Variants in FBN2 observed in about 807,000 individuals in gnomAD.
The protein encoded by FBN2 is fibrillin-2.
A neutral mutation model predicts 355.6 loss-of-function variants in FBN2; 105 were observed. The ratio of observed to expected loss-of-function variants is 0.30; its 90% CI spans 0.25 to 0.35. The LOEUF is 0.35. Ranked by LOEUF, FBN2 falls within the 10% of genes least tolerant of loss-of-function variation. The probability of loss-of-function intolerance (pLI) is 1.00; values close to 1 mark genes in which losing one functional copy is unlikely to be tolerated. For synonymous variants in FBN2, 1,350 were observed against 1,301.2 expected (o/e 1.04, Z -0.81); for missense variants, 3,280 against 3,758.7 (o/e 0.87, Z 3.33).
chr5:128,307,289 T>C, intron 41 of FBN2, 86 bp from the exon 42 acceptor site: 1 of 819,220 alleles, frequency 1.2e-6, no homozygotes, highest in Admixed American at 1.7e-5. Flanking sequence ...CAAACAAATA[T>C]ATTTTACATT....
At position 128,259,339 on chromosome 5, in the gene FBN2, G is replaced by A. The variant is rs1414460670; in HGVS notation, c.*116C>T. 1.5e-6 allele frequency: 2 copies of A among 1,310,680 alleles called. No homozygotes were observed. Among genetic ancestry groups the A allele is most frequent in the Non-Finnish European group, 2.2e-6 (2 of 908,282 alleles). 81.2% of individuals were successfully genotyped at this position (1,310,680 alleles called of 1,614,324 possible). On this transcript the variant is annotated 3_prime_UTR_variant, in exon 65 of 65. Transcript: ENST00000262464. Reference sequence around the variant, plus strand: ...CAACATTCAAAGTCTAAGACAGGGAGGAAAGAAACAAGAGTTATTATTATT... The same window carrying A: ...CAACATTCAAAGTCTAAGACAGGGAAGAAAGAAACAAGAGTTATTATTATT...
chr5:128,395,202 G>A lies in FBN2; in HGVS notation c.1151C>T (p.Thr384Met), dbSNP rs371826887. 11 of 1,613,922 alleles carry A rather than the reference G, an allele frequency of 6.8e-6. No homozygotes were observed. Among genetic ancestry groups the A allele is most frequent in the South Asian group, 1.1e-5 (1 of 91,080 alleles). The change falls in exon 9 of 65, where the codon ACG becomes ATG. Residue 384 changes from threonine (T) to methionine (M), a missense_variant. Thr to Met is a moderately conservative substitution (Grantham distance 81). This residue lies in a region of FBN2 where 343 missense variants were observed against 331.0 expected (regional missense o/e 1.04). Transcript: ENST00000262464. ...RCAQELPGRM[T>M]KMQCCCEPGR... ...AGGCTCACAGCAGCACTGCATTTTC[G>A]TCATTCTCCCCGGGAGCTCTTGTGC...
chr5:128,475,622 T>A (rs1264487387), intron 5 of FBN2, among the ~76,000 whole-genome samples: 1 of 152,168 alleles, frequency 6.6e-6, no homozygotes, highest in African/African-American at 2.4e-5. Context: ...CAGGTTAGAA[T>A]GGCTCATGGC....
chr5:128,532,293 T>A (rs1232668419), intron 2 of FBN2, among the ~76,000 whole-genome samples: 1 of 151,866 alleles, frequency 6.6e-6, no homozygotes, highest in Non-Finnish European at 1.5e-5. Flanking sequence ...GTGGGGAGAG[T>A]CAAAGCCTCC....
chr5:128,510,479 C>T (rs1756084096), intron 5 of FBN2, among the ~76,000 whole-genome samples: 1 of 152,080 alleles, frequency 6.6e-6, no homozygotes, highest in South Asian at 2.1e-4. Flanking sequence ...TTTTTTGTTG[C>T]TTAGTGTCCA....
At chr5:128,527,156 A>G (rs1247517105) in intron 4 of FBN2, among the ~76,000 whole-genome samples, 1 of 152,214 alleles carries the variant, frequency 6.6e-6, no homozygotes, top group Non-Finnish European at 1.5e-5. Flanking sequence ...AGGTGACATT[A>G]CTTCAAAATA....
chr5:128,405,493 A>G (rs984800493), intron 8 of FBN2, among the ~76,000 whole-genome samples: 2 of 152,198 alleles, frequency 1.3e-5, no homozygotes, highest in African/African-American at 4.8e-5. Flanking sequence ...GGTAAATCAA[A>G]ACTCTCCTCT....
intron 62 of FBN2, 145 bp from the exon 63 acceptor site, chr5:128,263,801 A>G: frequency 3.2e-6 from 2 of 634,116 alleles, no homozygotes; most frequent in Non-Finnish European, 5.5e-6. Context: ...ACTGATTTGC[A>G]AAGCACGTGA....
intron 5 of FBN2, among the ~76,000 whole-genome samples, chr5:128,473,820 G>A (rs1754939424): frequency 6.6e-6 from 1 of 152,160 alleles, no homozygotes; most frequent in African/African-American, 2.4e-5. Flanking sequence ...TGTGCATTGA[G>A]AGAAACATTA....
chr5:128,280,322 A>G lies in FBN2; in HGVS notation c.7013-5T>C, dbSNP rs28763927. ...TGGTCCTGCATTCATTTTCATCTTT[A>G]GAAAAACAAACAATATGAATAATGA... On this transcript the variant is annotated splice_region_variant and splice_polypyrimidine_tract_variant and intron_variant, in intron 55 of 64. Transcript: ENST00000262464. 0.075 allele frequency: 120,048 copies of G among 1,604,704 alleles called. 4,846 individuals carry two copies. Among genetic ancestry groups the G allele is most frequent in the Middle Eastern group, 0.12 (715 of 6,034 alleles).
chr5:128,495,243 T>C lies in FBN2; in HGVS notation c.628+24030A>G, dbSNP rs369093504. Among the ~76,000 whole-genome samples the C allele has an allele frequency of 3.4e-4, 51 of 151,884 alleles. No individual in the cohort carries two copies. In the East Asian group the frequency reaches 5.2e-3, roughly 16 times the overall value. On this transcript the variant is annotated intron_variant, in intron 5 of 64. Coordinates refer to ENST00000262464, the MANE Select transcript of FBN2 (RefSeq NM_001999.4). ...TCTGGTGATAGATCTATAGAGAGTATACAATTTGAAAAGCAGAGGAAAAAA... is the reference window on the plus strand; with the variant it reads ...TCTGGTGATAGATCTATAGAGAGTACACAATTTGAAAAGCAGAGGAAAAAA...
At chr5:128,441,820 A>G (rs1399427042) in intron 7 of FBN2, among the ~76,000 whole-genome samples, 1 of 152,170 alleles carries the variant, frequency 6.6e-6, no homozygotes, top group Non-Finnish European at 1.5e-5. Flanking sequence ...AATTAAGCTA[A>G]GATGATTTTC....
chr5:128,325,775 A>G (rs1750527839), intron 34 of FBN2, among the ~76,000 whole-genome samples: 1 of 151,670 alleles, frequency 6.6e-6, no homozygotes, highest in African/African-American at 2.4e-5. Context: ...TTCCACTGTT[A>G]TTATCTCAGG....
chr5:128,282,968 C>T (rs542771883), intron 55 of FBN2, among the ~76,000 whole-genome samples: 56 of 152,320 alleles, frequency 3.7e-4, no homozygotes, highest in African/African-American at 1.1e-3. Context: ...TCCTACTATA[C>T]TTCTTAGTAT....
intron 11 of FBN2, among the ~76,000 whole-genome samples, chr5:128,385,154 C>T (rs1452587683): frequency 2.6e-5 from 4 of 152,074 alleles, no homozygotes; most frequent in Admixed American, 1.3e-4. Context: ...ATTATTTCAT[C>T]ACCCATGTAA....
chr5:128,533,237 A>G (rs1448268218), intron 2 of FBN2, among the ~76,000 whole-genome samples: 1 of 152,154 alleles, frequency 6.6e-6, no homozygotes, highest in African/African-American at 2.4e-5. Context: ...TCCTCCCCAG[A>G]AGGCCAATAT....
At chr5:128,532,652 A>G (rs1756738364) in intron 2 of FBN2, among the ~76,000 whole-genome samples, 1 of 152,216 alleles carries the variant, frequency 6.6e-6, no homozygotes, top group Non-Finnish European at 1.5e-5. Flanking sequence ...CAATGAAAAA[A>G]GCATTTCCTG....
At chr5:128,334,643 G>A (rs1328509521) in intron 31 of FBN2, 76 bp downstream of exon 31, 2 of 1,505,534 alleles carry the variant, frequency 1.3e-6, no homozygotes, top group African/African-American at 2.8e-5. Flanking sequence ...AGAGATGCCA[G>A]AGAACAAATG....
At chr5:128,280,429 T>C (rs1765505812) in intron 55 of FBN2, 112 bp from the exon 56 acceptor site, 3 of 790,232 alleles carry the variant, frequency 3.8e-6, no homozygotes, top group South Asian at 1.5e-5. Flanking sequence ...AATACTAATA[T>C]GATGAGATTA....
Sources: gnomAD v4.1 joint callset for allele counts (sites outside exome capture counted in the v4.1 genomes callset) on GRCh38, gnomAD v4.1.1 for gene constraint, gnomAD v4.1.1 regional missense constraint, MANE v1.5 for transcripts, NCBI Gene and HGNC (gene_info 2026-07-23, HGNC 2026-07-21) for gene names.